The following SDK1 variants were observed in gnomAD, a reference collection of about 807,000 sequenced individuals.
SDK1 encodes the protein sidekick cell adhesion molecule 1.
SDK1 carries 157 observed loss-of-function variants against 245.5 expected under a neutral mutation model. That is an observed-to-expected ratio of 0.64 (90% CI 0.56 to 0.73). SDK1 has a LOEUF of 0.73. Ranked by LOEUF, SDK1 falls within the 30% of genes least tolerant of loss-of-function variation. The pLI is 0.00. For missense variants in SDK1, 3,583 were observed against 3,002.3 expected, an observed-to-expected ratio of 1.19 and a Z score of -4.52; for synonymous variants, 1,647 against 1,278.5, an observed-to-expected ratio of 1.29 and a Z score of -6.15.
chr7:3,430,818 G>C (rs1449995617), intron 1 of SDK1, among the ~76,000 whole-genome samples: 6 of 152,212 alleles, frequency 3.9e-5, no homozygotes, highest in African/African-American at 1.4e-4. Context: ...ATGGAATGAA[G>C]CAAGGATGGG....
At chr7:3,861,466 C>T (rs545969392) in intron 5 of SDK1, among the ~76,000 whole-genome samples, 4 of 152,098 alleles carry the variant, frequency 2.6e-5, no homozygotes, top group African/African-American at 7.2e-5. Flanking sequence ...TGCTTGTGTG[C>T]TTCAAACTGA....
intron 17 of SDK1, among the ~76,000 whole-genome samples, chr7:4,023,547 C>T (rs1009076255): frequency 4.6e-5 from 7 of 152,062 alleles, no homozygotes; most frequent in Non-Finnish European, 8.8e-5. Flanking sequence ...TTTAAATAAC[C>T]GAAATGGACT....
intron 22 of SDK1, among the ~76,000 whole-genome samples, chr7:4,084,870 C>A (rs1159443119): frequency 6.6e-6 from 1 of 152,224 alleles, no homozygotes; most frequent in Middle Eastern, 3.4e-3. Flanking sequence ...TCAAGTGATT[C>A]TCCTGCCTCA....
chr7:3,330,394 T>C (rs1328002178), intron 1 of SDK1, among the ~76,000 whole-genome samples: 4 of 152,164 alleles, frequency 2.6e-5, no homozygotes. Flanking sequence ...ATTTTATGTG[T>C]TGGAAACTTC....
At chr7:4,021,688 C>T (rs1370400757) in intron 17 of SDK1, among the ~76,000 whole-genome samples, 2 of 152,166 alleles carry the variant, frequency 1.3e-5, no homozygotes, top group African/African-American at 4.8e-5. Flanking sequence ...ACGAGTATGC[C>T]CACCTTTAAG....
At chr7:3,954,674 C>T (rs549896620) in intron 7 of SDK1, among the ~76,000 whole-genome samples, 11 of 146,562 alleles carry the variant, frequency 7.5e-5, no homozygotes, top group South Asian at 2.3e-4. Context: ...CTCCCTTCTA[C>T]ACCCTCTACA....
intron 28 of SDK1, among the ~76,000 whole-genome samples, chr7:4,135,782 G>A (rs551716970): frequency 6.1e-4 from 93 of 152,318 alleles, no homozygotes; most frequent in African/African-American, 2.0e-3. Context: ...GTTAGCTTCC[G>A]TATCAGATCG....
At chr7:3,725,261 C>G (rs369118220) in intron 4 of SDK1, among the ~76,000 whole-genome samples, 6 of 152,154 alleles carry the variant, frequency 3.9e-5, no homozygotes, top group East Asian at 3.9e-4. Context: ...TCACATGGTA[C>G]TCCCAGCAAT....
chr7:3,958,082 C>G (rs1219690371), intron 7 of SDK1: 9 of 459,896 alleles, frequency 2.0e-5, no homozygotes, highest in South Asian at 1.4e-4. Flanking sequence ...AGGAGGCATG[C>G]CAAGCTATCT....
At chr7:3,850,702 T>C (rs1780397633) in intron 5 of SDK1, among the ~76,000 whole-genome samples, 1 of 152,168 alleles carries the variant, frequency 6.6e-6, no homozygotes, top group African/African-American at 2.4e-5. Context: ...TTCATGTCTT[T>C]TGTAGGGACA....
rs758373837 is a variant in SDK1 at position 4,011,102 on chromosome 7, C to A, written c.2268C>A (p.Ala756=). The A allele has an allele frequency of 6.2e-7, 1 of 1,613,764 alleles. No individual in the cohort carries two copies. Among genetic ancestry groups the A allele is most frequent in the East Asian group, 2.2e-5 (1 of 44,868 alleles). ...AAGTGGGCAGGGGCCAGTACAGCGC[C>A]GAGACAAGCAGGTGCGTGAATCCCG... ...VNEVGRGQYS[A]ETSRLMLPEE... The change falls in exon 15 of 45, where the codon GCC becomes GCA. Residue 756 remains alanine (A), a synonymous_variant. Transcript: ENST00000404826.
chr7:3,991,428 C>T (rs529411510), intron 14 of SDK1, among the ~76,000 whole-genome samples: 19 of 152,272 alleles, frequency 1.2e-4, no homozygotes, highest in Middle Eastern at 3.4e-3. Context: ...CTTCCCTTTG[C>T]GCACCTGCGA....
In SDK1 at chr7:3,978,584, G is replaced by A. The variant is rs549014491; in HGVS notation, c.1994+4039G>A. On this transcript the variant is annotated intron_variant, in intron 13 of 44. Coordinates refer to ENST00000404826, the MANE Select transcript of SDK1 (RefSeq NM_152744.4). ...CAAACCTGGATGAATTGGGAAAGGT[G>A]TTCCTTCATGGGGTGTCTTTAGATC... Among the ~76,000 whole-genome samples, 11 of 152,288 alleles carry A rather than the reference G, an allele frequency of 7.2e-5. No homozygotes were observed. The South Asian group carries it at 1.7e-3, about 23-fold the overall frequency.
chr7:3,499,241 T>G (rs565867151), intron 1 of SDK1, among the ~76,000 whole-genome samples: 4 of 152,356 alleles, frequency 2.6e-5, no homozygotes, highest in Non-Finnish European at 5.9e-5. Context: ...TTGTATTGAT[T>G]TAATTCAACA....
chr7:4,010,969 C>A lies in SDK1; in HGVS notation c.2135C>A (p.Ser712Tyr). The A allele has an allele frequency of 3.1e-6, 5 of 1,614,212 alleles. No individual in the cohort carries two copies. The highest frequency in any genetic ancestry group is 3.4e-6 in the Non-Finnish European group (4 of 1,180,016). The change falls in exon 15 of 45, where the codon TCT becomes TAT. Residue 712 changes from serine to tyrosine, a missense_variant. Ser to Tyr is a moderately radical substitution (Grantham distance 144). Transcript: ENST00000404826. ...YYIVELSENN[S>Y]PWKVHLSNVG... ...TTCGTTTTCTTCATTCTTTCAGACTCTCCATGGAAGGTGCATCTGTCAAAC... is the reference window on the plus strand; with the variant it reads ...TTCGTTTTCTTCATTCTTTCAGACTATCCATGGAAGGTGCATCTGTCAAAC...
intron 1 of SDK1, among the ~76,000 whole-genome samples, chr7:3,569,990 T>G (rs906205387): frequency 2.6e-5 from 4 of 152,182 alleles, no homozygotes; most frequent in Non-Finnish European, 5.9e-5. Flanking sequence ...GACCATTATT[T>G]TCTCTTACCA....
intron 14 of SDK1, among the ~76,000 whole-genome samples, chr7:4,003,082 G>A (rs1785196193): frequency 6.6e-6 from 1 of 152,254 alleles, no homozygotes; most frequent in Non-Finnish European, 1.5e-5. Context: ...CCAGGCTCTA[G>A]CCTCAAGGAG....
At chr7:3,786,260 A>G (rs1383550143) in intron 4 of SDK1, among the ~76,000 whole-genome samples, 2 of 152,202 alleles carry the variant, frequency 1.3e-5, no homozygotes, top group Non-Finnish European at 2.9e-5. Flanking sequence ...TGTAGTTATT[A>G]TCTTCCTGCA....
At chr7:4,207,916 G>A (rs546700938) in intron 36 of SDK1, among the ~76,000 whole-genome samples, 183 bp from the exon 37 acceptor site, 11 of 152,208 alleles carry the variant, frequency 7.2e-5, no homozygotes, top group South Asian at 4.2e-4. Flanking sequence ...AGGGGTCCCC[G>A]TCCATACACA....
Sources: gnomAD v4.1 joint callset for allele counts (sites outside exome capture counted in the v4.1 genomes callset) on GRCh38, gnomAD v4.1.1 for gene constraint, MANE v1.5 for transcripts, NCBI Gene and HGNC (gene_info 2026-07-23, HGNC 2026-07-21) for gene names.